Variants in SHROOM3 observed in about 807,000 individuals in gnomAD.
SHROOM3 encodes shroom family member 3, also known as protein Shroom3.
A neutral mutation model predicts 138.6 loss-of-function variants in SHROOM3; 47 were observed. The observed-to-expected ratio is 0.34, with a 90% CI of 0.27 to 0.43. The LOEUF (loss-of-function observed/expected upper bound fraction) is 0.43, where lower values mean the gene tolerates loss of function less well. Among genes scored for constraint, SHROOM3 ranks in the 20% least tolerant of loss-of-function variants. The pLI is 1.00. For synonymous variants in SHROOM3, 1,062 were observed against 1,063.3 expected, an observed-to-expected ratio of 1.00 and a Z score of 0.02; for missense variants, 2,491 against 2,596.5, an observed-to-expected ratio of 0.96 and a Z score of 0.88.
intron 9 of SHROOM3, among the ~76,000 whole-genome samples, chr4:76,760,791 T>C (rs1432678599): frequency 6.6e-6 from 1 of 152,212 alleles, no homozygotes; most frequent in African/African-American, 2.4e-5. Context: ...TGCTGAGCAC[T>C]TCATTTAACG....
chr4:76,552,076 T>C lies in SHROOM3; in HGVS notation c.169-3533T>C, dbSNP rs978084149. ...CGGGGTTTCACCGTGTTAGCCAGGA[T>C]GGACTCGATCTCCTGACCTTGTGAT... On this transcript the variant is annotated intron_variant, in intron 1 of 10. Transcript: ENST00000296043. Among the ~76,000 whole-genome samples the C allele has an allele frequency of 1.3e-4, 19 of 149,204 alleles. No homozygotes were observed. In the South Asian group the frequency reaches 1.5e-3, roughly 12 times the overall value.
chr4:76,488,224 A>G (rs906323069), intron 1 of SHROOM3, among the ~76,000 whole-genome samples: 4 of 152,188 alleles, frequency 2.6e-5, no homozygotes, highest in Admixed American at 2.6e-4. Context: ...ACCATCAGAA[A>G]GATTTTTTTA....
At chr4:76,612,633 A>T (rs189055643) in intron 2 of SHROOM3, among the ~76,000 whole-genome samples, 4 of 152,324 alleles carry the variant, frequency 2.6e-5, no homozygotes, top group Non-Finnish European at 5.9e-5. Context: ...ATTTAGTTAC[A>T]TGTTACAAAT....
chr4:76,548,914 C>A (rs991235240), intron 1 of SHROOM3, among the ~76,000 whole-genome samples: 1 of 151,412 alleles, frequency 6.6e-6, no homozygotes, highest in African/African-American at 2.5e-5. Context: ...AGTCATTTAA[C>A]CTGTTGACAG....
chr4:76,635,454 G>A (rs115146245), intron 2 of SHROOM3, among the ~76,000 whole-genome samples: 82 of 152,226 alleles, frequency 5.4e-4, no homozygotes, highest in Middle Eastern at 3.4e-3. Flanking sequence ...ATTCCAACTC[G>A]TTTCCCCTTG....
chr4:76,622,711 G>T (rs1735035765), intron 2 of SHROOM3, among the ~76,000 whole-genome samples: 1 of 152,088 alleles, frequency 6.6e-6, no homozygotes, highest in Non-Finnish European at 1.5e-5. Flanking sequence ...AGTATAATGG[G>T]TGTTATGGTA....
At chr4:76,626,882 A>G (rs1577929541) in intron 2 of SHROOM3, among the ~76,000 whole-genome samples, 1 of 152,312 alleles carries the variant, frequency 6.6e-6, no homozygotes, top group Non-Finnish European at 1.5e-5. Context: ...TCATTTTAGA[A>G]TACTTTTCTT....
At chr4:76,723,037 G>A (rs764403492) in intron 3 of SHROOM3, among the ~76,000 whole-genome samples, 1 of 151,748 alleles carries the variant, frequency 6.6e-6, no homozygotes, top group Non-Finnish European at 1.5e-5. Context: ...AAGAGCCCAT[G>A]CAACATGTGT....
chr4:76,524,425 G>A (rs1732636535), intron 1 of SHROOM3, among the ~76,000 whole-genome samples: 2 of 152,210 alleles, frequency 1.3e-5, no homozygotes, highest in Admixed American at 1.3e-4. Context: ...AAGACTGACT[G>A]GGGTGGACAG....
intron 1 of SHROOM3, among the ~76,000 whole-genome samples, chr4:76,503,167 C>CCACACACACACACACACACACACACACA (rs111393161): frequency 6.9e-6 from 1 of 145,832 alleles, no homozygotes; most frequent in African/African-American, 2.5e-5. Flanking sequence ...TTGTCAACTT[C>CCACACACACACACACACACACACACACA]CACACACACA....
At position 76,682,869 on chromosome 4, in the gene SHROOM3, C is replaced by T. The variant is rs535826282; in HGVS notation, c.324-27287C>T. Among the ~76,000 whole-genome samples the T allele has an allele frequency of 2.6e-5, 4 of 152,276 alleles. No homozygotes were observed. The East Asian group carries it at 5.8e-4, about 22-fold the overall frequency. On this transcript the variant is annotated intron_variant, in intron 2 of 10. Transcript: ENST00000296043. ...GGGTATAATGTGGTTGGTGACATAG[C>T]AATGACAAGTGAGGAAAATGTGCAT...
chr4:76,472,739 C>T (rs892828691), intron 1 of SHROOM3, among the ~76,000 whole-genome samples: 10 of 151,534 alleles, frequency 6.6e-5, no homozygotes, highest in Admixed American at 2.6e-4. Flanking sequence ...CTGTCGCCCA[C>T]GCTGGAGTGC....
chr4:76,462,598 T>TCA (rs1176672923), intron 1 of SHROOM3, among the ~76,000 whole-genome samples: 1 of 152,176 alleles, frequency 6.6e-6, no homozygotes, highest in African/African-American at 2.4e-5. Context: ...TTCCCCTTGC[T>TCA]GTTCTCATGA....
chr4:76,488,324 T>C (rs1731780568), intron 1 of SHROOM3, among the ~76,000 whole-genome samples: 1 of 152,212 alleles, frequency 6.6e-6, no homozygotes, highest in African/African-American at 2.4e-5. Context: ...GGTCCTAGAA[T>C]TAATGGACTT....
intron 2 of SHROOM3, among the ~76,000 whole-genome samples, chr4:76,577,197 A>C (rs1733956741): frequency 6.6e-6 from 1 of 152,184 alleles, no homozygotes; most frequent in Non-Finnish European, 1.5e-5. Context: ...GATAATCTAT[A>C]CTTGAAATTT....
At chr4:76,605,117 G>A (rs557958714) in intron 2 of SHROOM3, among the ~76,000 whole-genome samples, 47 of 152,222 alleles carry the variant, frequency 3.1e-4, no homozygotes, top group African/African-American at 1.0e-3. Flanking sequence ...TCCCCATGGC[G>A]GTAAAAGCAT....
intron 1 of SHROOM3, among the ~76,000 whole-genome samples, chr4:76,463,924 G>A (rs1165545202): frequency 3.3e-5 from 5 of 152,254 alleles, no homozygotes; most frequent in Admixed American, 6.5e-5. Flanking sequence ...CCAGGTAGAC[G>A]TCTGCTGCAG....
intron 1 of SHROOM3, among the ~76,000 whole-genome samples, chr4:76,500,516 T>C (rs1439015309): frequency 6.6e-6 from 1 of 152,180 alleles, no homozygotes; most frequent in African/African-American, 2.4e-5. Flanking sequence ...TGTTCAGCTT[T>C]AGTGGATACT....
intron 1 of SHROOM3, among the ~76,000 whole-genome samples, chr4:76,461,503 T>C (rs967156190): frequency 2.0e-5 from 3 of 152,310 alleles, no homozygotes; most frequent in Middle Eastern, 3.4e-3. Flanking sequence ...GGAAATTTAA[T>C]ACAGAGAATA....
Sources: gnomAD v4.1 joint callset for allele counts (sites outside exome capture counted in the v4.1 genomes callset) on GRCh38, gnomAD v4.1.1 for gene constraint, MANE v1.5 for transcripts, NCBI Gene and HGNC (gene_info 2026-07-23, HGNC 2026-07-21) for gene names.